Variants in NOX4 observed in about 807,000 individuals in gnomAD.
NOX4 encodes kidney oxidase-1.
NOX4 carries 69 observed loss-of-function variants against 87.6 expected under a neutral mutation model. That is an observed-to-expected ratio of 0.79 (90% CI 0.65 to 0.96). NOX4 has a LOEUF of 0.96. NOX4 is among the 40% of genes least tolerant of loss of function. NOX4 has a pLI of 0.00. For missense variants in NOX4, 680 were observed against 681.5 expected, an observed-to-expected ratio of 1.00 and a Z score of 0.02; for synonymous variants, 275 against 238.2, an observed-to-expected ratio of 1.15 and a Z score of -1.42.
chr11:89,330,438 T>C (rs1420858265), intron 17 of NOX4, among the ~76,000 whole-genome samples: 1 of 152,052 alleles, frequency 6.6e-6, no homozygotes, highest in Admixed American at 6.6e-5. Context: ...AATGTTTCTT[T>C]AATTTTGGCT....
chr11:89,356,633 C>T (rs1436605828), intron 12 of NOX4, among the ~76,000 whole-genome samples: 2 of 152,112 alleles, frequency 1.3e-5, no homozygotes, highest in Non-Finnish European at 2.9e-5. Flanking sequence ...GCTGGACCTA[C>T]TGTACACTCC....
chr11:89,421,835 A>G (rs912413388), intron 8 of NOX4, 67 bp downstream of exon 8: 6 of 893,428 alleles, frequency 6.7e-6, no homozygotes, highest in Non-Finnish European at 1.1e-5. Flanking sequence ...AATTTCCTAT[A>G]GAGTTTTCTT....
chr11:89,513,688 A>T, the NOX4 span, among the ~76,000 whole-genome samples: 1 of 151,984 alleles, frequency 6.6e-6, no homozygotes, highest in Non-Finnish European at 1.5e-5. Flanking sequence ...CATTTGAAAA[A>T]ATTATATTTT....
chr11:89,429,425 G>GT (rs553275261), intron 7 of NOX4, among the ~76,000 whole-genome samples: 189 of 152,194 alleles, frequency 1.2e-3, no homozygotes, highest in South Asian at 9.1e-3. Flanking sequence ...GCAGAAGCTG[G>GT]TTTTTTGAAA....
intron 12 of NOX4, among the ~76,000 whole-genome samples, 156 bp downstream of exon 12, chr11:89,373,276 G>GAAAAAAAAAAAA (rs1354966242): frequency 4.8e-5 from 1 of 21,028 alleles, no homozygotes; most frequent in Non-Finnish European, 8.0e-5. Context: ...AACTGTACAA[G>GAAAAAAAAAAAA]CAAAAAAAAA....
chr11:89,346,045 C>G (rs942438899), intron 13 of NOX4, among the ~76,000 whole-genome samples: 1 of 152,092 alleles, frequency 6.6e-6, no homozygotes, highest in Non-Finnish European at 1.5e-5. Context: ...CTAGAAAAAC[C>G]CACTCTGCCA....
At chr11:89,582,654 G>A in the NOX4 span, among the ~76,000 whole-genome samples, 1 of 152,146 alleles carries the variant, frequency 6.6e-6, no homozygotes, top group Non-Finnish European at 1.5e-5. Context: ...TGTGACCCCA[G>A]CTTCTCTAAG....
chr11:89,470,399 C>G (rs1945880279), intron 2 of NOX4, among the ~76,000 whole-genome samples: 1 of 152,032 alleles, frequency 6.6e-6, no homozygotes, highest in Non-Finnish European at 1.5e-5. Flanking sequence ...TTCTAGGCAA[C>G]TATGTGTTCT....
chr11:89,526,997 A>G, the NOX4 span, among the ~76,000 whole-genome samples: 1,182 of 152,290 alleles, frequency 7.8e-3, 17 homozygotes, highest in African/African-American at 0.026. Context: ...AAATGCTGAT[A>G]GTAATATGAC....
chr11:89,377,123 G>A (rs1359253552), intron 11 of NOX4, among the ~76,000 whole-genome samples: 6 of 152,008 alleles, frequency 3.9e-5, no homozygotes, highest in Admixed American at 3.3e-4. Context: ...TTTTCTCATT[G>A]AAGAGATTTA....
At chr11:89,355,854 C>T (rs1938006677) in intron 12 of NOX4, among the ~76,000 whole-genome samples, 1 of 152,114 alleles carries the variant, frequency 6.6e-6, no homozygotes, top group Non-Finnish European at 1.5e-5. Flanking sequence ...CAAGTATGAG[C>T]ATGTTCACAG....
chr11:89,436,136 G>T (rs1450698101), intron 6 of NOX4, among the ~76,000 whole-genome samples: 1 of 152,142 alleles, frequency 6.6e-6, no homozygotes, highest in African/African-American at 2.4e-5. Context: ...ACTGTTAGAT[G>T]TTAAATGCTA....
chr11:89,383,898 C>T (rs1243999318), intron 11 of NOX4, among the ~76,000 whole-genome samples: 3 of 152,096 alleles, frequency 2.0e-5, no homozygotes, highest in Non-Finnish European at 4.4e-5. Flanking sequence ...TCTACTCCCT[C>T]CTTGGGGACT....
the NOX4 span, among the ~76,000 whole-genome samples, chr11:89,552,266 A>G: frequency 6.6e-6 from 1 of 152,296 alleles, no homozygotes; most frequent in Non-Finnish European, 1.5e-5. Context: ...TTGAATTCCA[A>G]TGTCAGATCT....
At chr11:89,564,093 AT>A in the NOX4 span, among the ~76,000 whole-genome samples, 1 of 152,336 alleles carries the variant, frequency 6.6e-6, no homozygotes, top group South Asian at 2.1e-4. Context: ...GTACCGTATT[AT>A]AAAAGATCTA....
chr11:89,582,690 G>T, the NOX4 span, among the ~76,000 whole-genome samples: 983 of 152,266 alleles, frequency 6.5e-3, 10 homozygotes, highest in Non-Finnish European at 7.3e-3. Context: ...GCTTCTCCAG[G>T]TTCCCTGCTT....
At chr11:89,365,510 A>G (rs1938895168) in intron 12 of NOX4, among the ~76,000 whole-genome samples, 1 of 151,954 alleles carries the variant, frequency 6.6e-6, no homozygotes, top group African/African-American at 2.4e-5. Flanking sequence ...ATTGTTGGGT[A>G]AACACATTAT....
At chr11:89,425,473 A>T (rs992431003) in intron 7 of NOX4, among the ~76,000 whole-genome samples, 1 of 151,774 alleles carries the variant, frequency 6.6e-6, no homozygotes, top group African/African-American at 2.4e-5. Flanking sequence ...CTGGGAAAAT[A>T]ATGTATAAAA....
intron 8 of NOX4, among the ~76,000 whole-genome samples, chr11:89,412,249 T>C (rs1405352100): frequency 1.3e-5 from 2 of 152,154 alleles, no homozygotes; most frequent in Non-Finnish European, 2.9e-5. Flanking sequence ...CTTTTAGCAT[T>C]GGACCGATCT....
Sources: allele counts gnomAD v4.1 joint callset (sites outside exome capture counted in the v4.1 genomes callset), GRCh38; gene constraint gnomAD v4.1.1; transcripts MANE v1.5; gene names NCBI Gene and HGNC (gene_info 2026-07-23, HGNC 2026-07-21).